ZFR: variants seen among roughly 807,000 people sequenced by gnomAD.
The protein encoded by ZFR is zinc finger RNA-binding protein.
In ZFR, 19 loss-of-function variants were observed where a neutral mutation model predicts 130.7. The observed-to-expected ratio is 0.15, with a 90% CI of 0.10 to 0.21. The LOEUF (loss-of-function observed/expected upper bound fraction) is 0.21, where lower values mean the gene tolerates loss of function less well. Among genes scored for constraint, ZFR ranks in the 10% least tolerant of loss-of-function variants. The pLI is 1.00. For synonymous variants in ZFR, 466 were observed against 456.9 expected (o/e 1.02, Z -0.25); for missense variants, 872 against 1,321.5 (o/e 0.66, Z 5.27).
At chr5:32,423,960 C>T (rs324432) in intron 2 of ZFR, among the ~76,000 whole-genome samples, 142,500 of 152,274 alleles carry the variant, frequency 0.94, 66,767 homozygotes, top group African/African-American at 0.97. Flanking sequence ...TTTTTAACCA[C>T]TCAAGGATGG....
chr5:32,397,386 T>A, intron 9 of ZFR, 48 bp from the exon 10 acceptor site: 4 of 1,592,308 alleles, frequency 2.5e-6, no homozygotes, highest in Middle Eastern at 3.3e-4. Flanking sequence ...GAAGATTATA[T>A]CATTCATAAA....
At chr5:32,374,434 T>C (rs1430482121) in intron 17 of ZFR, among the ~76,000 whole-genome samples, 5 of 151,942 alleles carry the variant, frequency 3.3e-5, no homozygotes. Flanking sequence ...ACCTGGGAGA[T>C]GGAGGTTGCA....
intron 6 of ZFR, among the ~76,000 whole-genome samples, chr5:32,405,939 G>A (rs1470687819): frequency 1.3e-5 from 2 of 152,162 alleles, no homozygotes; most frequent in Non-Finnish European, 2.9e-5. Context: ...ATCCAGTAAA[G>A]TAAACGTGTT....
At chr5:32,432,189 T>TG (rs1754240523) in intron 2 of ZFR, among the ~76,000 whole-genome samples, 1 of 152,068 alleles carries the variant, frequency 6.6e-6, no homozygotes, top group East Asian at 1.9e-4. Flanking sequence ...CTCGCTATGT[T>TG]GAGCTGGGGA....
chr5:32,372,927 CTT>C (rs1260117873), intron 17 of ZFR, among the ~76,000 whole-genome samples: 2 of 152,130 alleles, frequency 1.3e-5, no homozygotes, highest in African/African-American at 4.8e-5. Flanking sequence ...GAGCAGATCT[CTT>C]CTTTTAAATA....
At chr5:32,418,661 C>T (rs1338710010) in intron 3 of ZFR, among the ~76,000 whole-genome samples, 1 of 152,144 alleles carries the variant, frequency 6.6e-6, no homozygotes, top group Non-Finnish European at 1.5e-5. Context: ...AATAATCACA[C>T]CTCAAAAGGA....
At chr5:32,438,434 T>C (rs1434259887) in intron 2 of ZFR, among the ~76,000 whole-genome samples, 1 of 151,930 alleles carries the variant, frequency 6.6e-6, no homozygotes, top group African/African-American at 2.4e-5. Context: ...TGGCTAATTT[T>C]GTAGTTTTAG....
chr5:32,427,866 T>C (rs1041141146), intron 2 of ZFR, among the ~76,000 whole-genome samples: 5 of 152,152 alleles, frequency 3.3e-5, no homozygotes, highest in African/African-American at 9.7e-5. Flanking sequence ...GACCATTCAG[T>C]GCGTTGTCTT....
intron 17 of ZFR, among the ~76,000 whole-genome samples, chr5:32,367,667 G>A (rs1001626497): frequency 3.3e-5 from 5 of 151,906 alleles, no homozygotes; most frequent in East Asian, 1.9e-4. Flanking sequence ...TTCCATCTTC[G>A]TGTCCCAAAG....
At chr5:32,421,010 A>G (rs1753944952) in intron 2 of ZFR, among the ~76,000 whole-genome samples, 2 of 152,228 alleles carry the variant, frequency 1.3e-5, no homozygotes. Context: ...AAAGAGACAA[A>G]AACATTTTCC....
Position 32,406,220 on chromosome 5 carries a change from CCTCA to C in ZFR, c.1032+550_1032+553del, listed in dbSNP as rs149228104. ...GGAATAAGGGTTTTACATTTACATG[CCTCA>C]CTAATTGGTATTTTTGAAAAAGACA... On this transcript the variant is annotated intron_variant, in intron 6 of 19. Transcript: ENST00000265069. Among the ~76,000 whole-genome samples, 468 of 152,252 alleles carry C rather than the reference CCTCA, an allele frequency of 3.1e-3. 3 individuals are homozygous for C. The highest frequency in any genetic ancestry group is 4.8e-3 in the Non-Finnish European group (326 of 68,004).
intron 2 of ZFR, among the ~76,000 whole-genome samples, chr5:32,434,742 T>C (rs888134728): frequency 6.6e-6 from 1 of 152,226 alleles, no homozygotes; most frequent in Non-Finnish European, 1.5e-5. Flanking sequence ...TTTATTCCAT[T>C]TTGAAAAATA....
chr5:32,444,509 C>T, intron 1 of ZFR, 113 bp downstream of exon 1: 1 of 1,327,490 alleles, frequency 7.5e-7, no homozygotes, highest in Non-Finnish European at 9.8e-7. Context: ...CTCGCACGCC[C>T]GGGTGGCGGC....
chr5:32,430,136 A>G (rs1754171718), intron 2 of ZFR, among the ~76,000 whole-genome samples: 1 of 151,826 alleles, frequency 6.6e-6, no homozygotes, highest in Non-Finnish European at 1.5e-5. Context: ...CACTAATATA[A>G]GCAAAAGTGT....
chr5:32,395,654 A>C (rs1753286051), intron 10 of ZFR, among the ~76,000 whole-genome samples: 1 of 152,058 alleles, frequency 6.6e-6, no homozygotes, highest in Non-Finnish European at 1.5e-5. Flanking sequence ...TCCCTCTGCC[A>C]CCCCTGAGAG....
intron 11 of ZFR, 131 bp downstream of exon 11, chr5:32,395,028 T>A: frequency 7.8e-7 from 1 of 1,274,132 alleles, no homozygotes; most frequent in South Asian, 2.2e-5. Context: ...AGACCTAGGA[T>A]CTTCCTCAAG....
intron 5 of ZFR, among the ~76,000 whole-genome samples, chr5:32,410,599 C>T (rs571887479): frequency 3.2e-4 from 38 of 117,702 alleles, no homozygotes; most frequent in African/African-American, 1.2e-3. Flanking sequence ...TGGAATGAGA[C>T]CTAGTCTCAA....
intron 15 of ZFR, chr5:32,383,955 G>A: frequency 9.3e-6 from 3 of 324,254 alleles, no homozygotes; most frequent in African/African-American, 2.2e-5. Context: ...ATGAAATTCA[G>A]AACAATAATT....
chr5:32,444,604 G>C lies in ZFR; in HGVS notation c.37+18C>G. ...GGAGGGGGCCGGGCAGAGGCCTCGC[G>C]GGCCACATTAGACTCACCATAGGTG... On this transcript the variant is annotated intron_variant, in intron 1 of 19. Coordinates refer to ENST00000265069, the MANE Select transcript of ZFR (RefSeq NM_016107.5). The C allele has an allele frequency of 6.7e-7, 1 of 1,481,496 alleles. No homozygotes were observed. Among genetic ancestry groups the C allele is most frequent in the Non-Finnish European group, 9.0e-7 (1 of 1,116,828 alleles). 91.8% of individuals were successfully genotyped at this position (1,481,496 alleles called of 1,614,324 possible).
Sources: gnomAD v4.1 joint callset for allele counts (sites outside exome capture counted in the v4.1 genomes callset) on GRCh38, gnomAD v4.1.1 for gene constraint, MANE v1.5 for transcripts, NCBI Gene and HGNC (gene_info 2026-07-23, HGNC 2026-07-21) for gene names.